ADAMTS17: variants seen among roughly 807,000 people sequenced by gnomAD.
ADAMTS17 encodes the protein A disintegrin and metalloproteinase with thrombospondin motifs 17.
In ADAMTS17, 113 loss-of-function variants were observed where a neutral mutation model predicts 141.5. That is an observed-to-expected ratio of 0.80 (90% confidence interval 0.69 to 0.93). The LOEUF (loss-of-function observed/expected upper bound fraction) is 0.93, where lower values mean the gene tolerates loss of function less well. Ranked by LOEUF, ADAMTS17 falls within the 40% of genes least tolerant of loss-of-function variation. The pLI, the probability that ADAMTS17 is intolerant of heterozygous loss-of-function variation, is 0.00. For synonymous variants in ADAMTS17, 768 were observed against 630.6 expected (o/e 1.22, Z -3.27); for missense variants, 1,659 against 1,517.9 (o/e 1.09, Z -1.54).
chr15:100,144,249 TA>T (rs2038792851), intron 10 of ADAMTS17, among the ~76,000 whole-genome samples: 1 of 152,104 alleles, frequency 6.6e-6, no homozygotes, highest in Non-Finnish European at 1.5e-5. Flanking sequence ...TTACATGGTA[TA>T]AAAATATCTG....
Position 99,997,889 on chromosome 15 carries a change from T to C in ADAMTS17, c.2592-300A>G, listed in dbSNP as rs1016971036. Among the ~76,000 whole-genome samples, 9 of 152,176 alleles carry C rather than the reference T, an allele frequency of 5.9e-5. No homozygotes were observed. The highest frequency in any genetic ancestry group is 2.2e-4 in the African/African-American group (9 of 41,450). On this transcript the variant is annotated intron_variant, in intron 18 of 21. Coordinates refer to ENST00000268070, the MANE Select transcript of ADAMTS17 (RefSeq NM_139057.4). This position sits in a 1 kb window ranked among gnomAD's most constrained non-coding sequence, Gnocchi z 4.7. Reference sequence around the variant, plus strand: ...TAGGGAATTACGTATCTGCTTGTCGTCATAGGACCTGCTTCTTTCGACAGG... The same window carrying C: ...TAGGGAATTACGTATCTGCTTGTCGCCATAGGACCTGCTTCTTTCGACAGG...
At chr15:99,982,501 G>T (rs934594) in intron 20 of ADAMTS17, among the ~76,000 whole-genome samples, 7,921 of 152,242 alleles carry the variant, frequency 0.052, 597 homozygotes, top group African/African-American at 0.16. Flanking sequence ...GGGCCATGGT[G>T]GGCGCACGGG....
At chr15:100,132,377 G>A (rs898344456) in intron 11 of ADAMTS17, among the ~76,000 whole-genome samples, 4 of 152,224 alleles carry the variant, frequency 2.6e-5, no homozygotes, top group African/African-American at 9.7e-5. Context: ...TCAACTTTCA[G>A]ATGGATGTGC....
chr15:100,325,029 C>T (rs2045856615), intron 3 of ADAMTS17, among the ~76,000 whole-genome samples: 1 of 152,162 alleles, frequency 6.6e-6, no homozygotes, highest in Admixed American at 6.5e-5. Flanking sequence ...AGACAGGGTC[C>T]CTTTGTGTGG....
At chr15:100,154,442 T>G (rs1466438150) in intron 9 of ADAMTS17, among the ~76,000 whole-genome samples, 1 of 152,168 alleles carries the variant, frequency 6.6e-6, no homozygotes, top group Non-Finnish European at 1.5e-5. Context: ...TACTTGAATG[T>G]GCTACTGGAC....
rs1330268390 is a variant in ADAMTS17 at position 100,267,535 on chromosome 15, C to T, written c.790-5100G>A. Among the ~76,000 whole-genome samples, 3 of 151,984 alleles carry T rather than the reference C, an allele frequency of 2.0e-5. No individual in the cohort carries two copies. The South Asian group carries it at 6.2e-4, about 32-fold the overall frequency. ...AATGAATATATATTTATAATGTCAA[C>T]ATTTACTTTAGATTCAGGGGTATGT... On this transcript the variant is annotated intron_variant, in intron 4 of 21. Coordinates refer to ENST00000268070, the MANE Select transcript of ADAMTS17 (RefSeq NM_139057.4).
intron 3 of ADAMTS17, among the ~76,000 whole-genome samples, chr15:100,283,394 C>G (rs747728873): frequency 4.1e-4 from 63 of 152,206 alleles, no homozygotes; most frequent in Non-Finnish European, 6.8e-4. Context: ...CAGGTTATCT[C>G]TCACCTGACC....
rs537984204 is a variant in ADAMTS17, at chr15:100,090,733, C to T, written c.2137+5623G>A. On this transcript the variant is annotated intron_variant, in intron 15 of 21. Coordinates refer to ENST00000268070, the MANE Select transcript of ADAMTS17 (RefSeq NM_139057.4). ...CATGATAAAAAGGAAACCAGCTGGG[C>T]GCAGTGGCTCACGCCTGTAATTCCA... 1.2e-4 allele frequency among the ~76,000 whole-genome samples: 18 copies of T among 152,218 alleles called. No homozygotes were observed. In the East Asian group the frequency reaches 1.5e-3, roughly 13 times the overall value.
intron 15 of ADAMTS17, among the ~76,000 whole-genome samples, chr15:100,087,742 T>C (rs761945296): frequency 6.6e-6 from 1 of 152,130 alleles, no homozygotes; most frequent in African/African-American, 2.4e-5. Flanking sequence ...AAAAACCACA[T>C]GATTATCTCA....
chr15:100,209,389 C>G (rs1467112368), intron 7 of ADAMTS17, among the ~76,000 whole-genome samples: 1 of 152,152 alleles, frequency 6.6e-6, no homozygotes, highest in East Asian at 1.9e-4. Context: ...GAGTTCAAGT[C>G]CATAAATCAC....
intron 10 of ADAMTS17, among the ~76,000 whole-genome samples, chr15:100,143,480 T>C (rs1028621314): frequency 1.3e-5 from 2 of 152,266 alleles, no homozygotes; most frequent in Non-Finnish European, 1.5e-5. Flanking sequence ...CCAATGTTTA[T>C]AACTTTATGT....
intron 8 of ADAMTS17, among the ~76,000 whole-genome samples, chr15:100,164,415 G>C (rs190232225): frequency 1.3e-5 from 2 of 151,740 alleles, no homozygotes; most frequent in Non-Finnish European, 2.9e-5. Context: ...CATTCAACAA[G>C]TATTTGTTGA....
At chr15:100,238,697 G>C (rs576478179) in intron 7 of ADAMTS17, among the ~76,000 whole-genome samples, 1 of 152,344 alleles carries the variant, frequency 6.6e-6, no homozygotes, top group Admixed American at 6.5e-5. Context: ...TCACTCGCGA[G>C]TGGCATAATT....
At position 100,064,834 on chromosome 15, in the gene ADAMTS17, G is replaced by A. The variant is rs1054176636; in HGVS notation, c.2138-10780C>T. Among the ~76,000 whole-genome samples, 18 of 152,306 alleles carry A rather than the reference G, an allele frequency of 1.2e-4. No individual in the cohort carries two copies. In the South Asian group the frequency reaches 3.5e-3, roughly 30 times the overall value. ...CATGACGGTGAGATTCTGAAACGTA[G>A]GCTGGTAATAATTTTGGTTTGATTT... On this transcript the variant is annotated intron_variant, in intron 15 of 21. Transcript: ENST00000268070.
chr15:100,052,679 T>C (rs2032240521), intron 16 of ADAMTS17, among the ~76,000 whole-genome samples: 1 of 152,240 alleles, frequency 6.6e-6, no homozygotes, highest in Non-Finnish European at 1.5e-5. Flanking sequence ...TAACTGCTTT[T>C]AACTCAGAAT....
chr15:100,312,216 T>C (rs1165695789), intron 3 of ADAMTS17, among the ~76,000 whole-genome samples: 1 of 152,196 alleles, frequency 6.6e-6, no homozygotes, highest in Admixed American at 6.5e-5. Flanking sequence ...CTGGGTGGCT[T>C]TGATGGGTCT....
At chr15:100,001,992 C>A (rs2573667) in intron 18 of ADAMTS17, among the ~76,000 whole-genome samples, 57,068 of 70,796 alleles carry the variant, frequency 0.81, 22,447 homozygotes, top group Middle Eastern at 0.89. Context: ...AAAGGCCAAA[C>A]CCAAAAAAAA....
chr15:100,341,399 G>A lies in ADAMTS17; in HGVS notation c.90C>T (p.Asp30=). 2.0e-6 allele frequency: 2 copies of A among 1,016,162 alleles called. No individual in the cohort carries two copies. Among genetic ancestry groups the A allele is most frequent in the East Asian group, 9.5e-5 (1 of 10,490 alleles). The allele number at this position is 1,016,162 out of a possible 1,614,324, so 62.9% of individuals were successfully genotyped here. Reference sequence around the variant, plus strand: ...GCACCACCTCCACGTCGGCCGCCGCGTCGCCGACAGCTGCGGGGAGAGAGG... The same window carrying A: ...GCACCACCTCCACGTCGGCCGCCGCATCGCCGACAGCTGCGGGGAGAGAGG... ...WGLDPGTAVG[D]AAADVEVVLP... The change falls in exon 2 of 22, where the codon GAC becomes GAT. Residue 30 remains aspartate, a synonymous_variant. Transcript: ENST00000268070.
At chr15:100,332,100 G>A (rs1216496805) in intron 2 of ADAMTS17, among the ~76,000 whole-genome samples, 10 of 152,102 alleles carry the variant, frequency 6.6e-5, no homozygotes, top group Non-Finnish European at 1.2e-4. Context: ...CATACTTACC[G>A]CTCTAAGCAT....
Sources: allele counts gnomAD v4.1 joint callset (sites outside exome capture counted in the v4.1 genomes callset), GRCh38; gene constraint gnomAD v4.1.1; non-coding constraint Gnocchi (gnomAD v3.1); transcripts MANE v1.5; gene names NCBI Gene and HGNC (gene_info 2026-07-23, HGNC 2026-07-21).